The following CYB5R4 variants were observed in gnomAD, a reference collection of about 807,000 sequenced individuals.
CYB5R4 encodes the protein cytochrome b5 reductase 4.
In CYB5R4, 55 loss-of-function variants were observed where a neutral mutation model predicts 70.2. That is an observed-to-expected ratio of 0.78 (90% CI 0.63 to 0.98). The LOEUF (loss-of-function observed/expected upper bound fraction) is 0.98. Among genes scored for constraint, CYB5R4 ranks in the 50% least tolerant of loss-of-function variants. The pLI, the probability that CYB5R4 is intolerant of heterozygous loss-of-function variation, is 0.00. For synonymous variants in CYB5R4, 197 were observed against 199.5 expected (o/e 0.99, Z 0.11); for missense variants, 562 against 612.6 (o/e 0.92, Z 0.87).
At position 83,859,812 on chromosome 6, in the gene CYB5R4, G is replaced by A. The variant is rs2099455655; in HGVS notation, c.30G>A (p.Pro10=). 1.2e-6 allele frequency: 2 copies of A among 1,613,412 alleles called. No homozygotes were observed. Among genetic ancestry groups the A allele is most frequent in the Non-Finnish European group, 1.7e-6 (2 of 1,179,830 alleles). The change falls in exon 1 of 16, where the codon CCG becomes CCA. Residue 10 remains proline, a synonymous_variant. Coordinates refer to ENST00000369681, the MANE Select transcript of CYB5R4 (RefSeq NM_016230.4). MLNVPSQSF[P]APRSQQRVAS... ...TGAACGTCCCTTCCCAGTCTTTCCC[G>A]GCCCCCAGGTCGCAGCAGCGTGTCG...
chr6:83,927,014 T>G (rs557447885), intron 10 of CYB5R4, among the ~76,000 whole-genome samples: 2 of 152,290 alleles, frequency 1.3e-5, no homozygotes, highest in East Asian at 3.9e-4. Flanking sequence ...CATTTACCAG[T>G]CTTCTCTCTG....
chr6:83,940,669 C>T (rs750610792), intron 14 of CYB5R4, 68 bp downstream of exon 14: 10 of 1,495,424 alleles, frequency 6.7e-6, no homozygotes, highest in Non-Finnish European at 8.9e-6. Flanking sequence ...GCCTTATCTT[C>T]TCTGGTTGAA....
Position 83,934,691 on chromosome 6 carries a change from A to T in CYB5R4, c.911A>T (p.Gln304Leu). 1 of 1,613,728 alleles carries T rather than the reference A, an allele frequency of 6.2e-7. No homozygotes were observed. The change falls in exon 11 of 16, where the codon CAA becomes CTA. Residue 304 changes from glutamine to leucine, a missense_variant. Transcript: ENST00000369681. ...ATGCTGCCACCAAGCACTCATCTTC[A>T]AGTGCCCATTGGGCAACATGTTTAC... is the stretch of plus-strand genomic sequence containing the variant. ...CLMLPPSTHLQVPIGQHVYLK... is the reference protein window; with the variant it reads ...CLMLPPSTHLLVPIGQHVYLK...
chr6:83,914,790 C>T (rs962401272), intron 5 of CYB5R4, among the ~76,000 whole-genome samples: 39 of 151,590 alleles, frequency 2.6e-4, no homozygotes, highest in Admixed American at 6.6e-4. Flanking sequence ...CCACCTCGGC[C>T]TCCCAGAGTG....
At chr6:83,935,460 G>A (rs1184096876) in intron 11 of CYB5R4, among the ~76,000 whole-genome samples, 1 of 152,008 alleles carries the variant, frequency 6.6e-6, no homozygotes, top group Non-Finnish European at 1.5e-5. Flanking sequence ...CATCACTAAT[G>A]CCTGGTTACC....
intron 4 of CYB5R4, 27 bp downstream of exon 4, chr6:83,909,117 ATG>A (rs1440903401): frequency 6.3e-7 from 1 of 1,585,838 alleles, no homozygotes; most frequent in East Asian, 2.2e-5. Flanking sequence ...CTAAACCAGC[ATG>A]GATGTGTGGT....
intron 10 of CYB5R4, 94 bp downstream of exon 10, chr6:83,924,686 G>C: frequency 1.5e-6 from 2 of 1,312,714 alleles, no homozygotes; most frequent in South Asian, 2.7e-5. Flanking sequence ...GCTTTGAAAT[G>C]AGCTGAAGGG....
chr6:83,911,390 G>T (rs192262800), intron 4 of CYB5R4, among the ~76,000 whole-genome samples: 2 of 152,246 alleles, frequency 1.3e-5, no homozygotes, highest in African/African-American at 4.8e-5. Context: ...CTTCTGGCAA[G>T]GCTAAGCAGG....
At chr6:83,883,943 TA>T (rs1192909159) in intron 2 of CYB5R4, among the ~76,000 whole-genome samples, 2 of 151,854 alleles carry the variant, frequency 1.3e-5, no homozygotes, top group African/African-American at 4.8e-5. Flanking sequence ...AACAATCACT[TA>T]AAAAATAATT....
intron 2 of CYB5R4, among the ~76,000 whole-genome samples, chr6:83,867,485 G>T (rs2099456918): frequency 6.6e-6 from 1 of 152,192 alleles, no homozygotes; most frequent in South Asian, 2.1e-4. Flanking sequence ...ATAAGAGTAT[G>T]CCTTGGAAAG....
chr6:83,880,770 T>C (rs987247537), intron 2 of CYB5R4, among the ~76,000 whole-genome samples: 2 of 152,204 alleles, frequency 1.3e-5, no homozygotes, highest in African/African-American at 4.8e-5. Context: ...GTTAATCTTC[T>C]GAAGTGCTTA....
intron 14 of CYB5R4, among the ~76,000 whole-genome samples, chr6:83,941,427 AG>A (rs531658980): frequency 3.3e-5 from 5 of 152,206 alleles, no homozygotes; most frequent in Non-Finnish European, 7.4e-5. Flanking sequence ...TAAGAATTTT[AG>A]GGCTTTATAA....
At position 83,965,940 on chromosome 6, in the gene CYB5R4, TA is replaced by T. The variant is rs1466156024; in HGVS notation, c.*6064del. The T allele has an allele frequency of 2.8e-4, 43 of 152,472 alleles. No individual in the cohort carries two copies. Among genetic ancestry groups the T allele is most frequent in the African/African-American group, 1.0e-3 (42 of 41,574 alleles). 9.4% of individuals were successfully genotyped at this position (152,472 alleles called of 1,614,324 possible). ...GCTGCCACCCTGTAAGAAGTATTTTTAACCTACCGCCATGATTCTGAGGCCT... is the reference window on the plus strand; with the variant it reads ...GCTGCCACCCTGTAAGAAGTATTTTTACCTACCGCCATGATTCTGAGGCCT... On this transcript the variant is annotated 3_prime_UTR_variant, in exon 16 of 16. Transcript: ENST00000369681.
rs61761489 is a variant in CYB5R4, at chr6:83,871,863, T to G, written c.229+7535T>G. On this transcript the variant is annotated intron_variant, in intron 2 of 15. Transcript: ENST00000369681. ...CTTTTTCATTCCTGGTGTTGCTAAT[T>G]TTTTCTCTCTTTTTTTTCTTGATCA... Among the ~76,000 whole-genome samples, 926 of 152,230 alleles carry G rather than the reference T, an allele frequency of 6.1e-3. 9 individuals are homozygous for G. Among genetic ancestry groups the G allele is most frequent in the African/African-American group, 0.021 (880 of 41,542 alleles).
At chr6:83,860,777 G>C (rs1009985001) in intron 1 of CYB5R4, among the ~76,000 whole-genome samples, 4 of 152,162 alleles carry the variant, frequency 2.6e-5, no homozygotes, top group African/African-American at 9.7e-5. Context: ...ATAGGTTCAG[G>C]GATCTGTGGT....
At chr6:83,915,983 C>A (rs1030706072) in intron 5 of CYB5R4, among the ~76,000 whole-genome samples, 1 of 152,112 alleles carries the variant, frequency 6.6e-6, no homozygotes, top group Non-Finnish European at 1.5e-5. Flanking sequence ...TTTTTCACTA[C>A]ACATTCACCC....
chr6:83,914,005 ATCTT>A (rs1357497620), intron 4 of CYB5R4, among the ~76,000 whole-genome samples: 6 of 152,228 alleles, frequency 3.9e-5, no homozygotes, highest in Admixed American at 3.9e-4. Context: ...AAGATAAGGC[ATCTT>A]TCTTTGAGTT....
At chr6:83,863,282 C>T (rs2129127180) in intron 1 of CYB5R4, among the ~76,000 whole-genome samples, 1 of 152,242 alleles carries the variant, frequency 6.6e-6, no homozygotes, top group Non-Finnish European at 1.5e-5. Flanking sequence ...AGGCTCTTTA[C>T]CACCACATGT....
In CYB5R4 at chr6:83,859,752, C is replaced by G. The variant is rs1216175371; in HGVS notation, c.-31C>G. On this transcript the variant is annotated 5_prime_UTR_variant, in exon 1 of 16. Transcript: ENST00000369681. ...GGTGCTGTCCCGTCTGGCGGCGATC[C>G]CCGGGCAGGGCCCGGGGCCGGGGTT... The G allele has an allele frequency of 1.9e-5, 31 of 1,610,374 alleles. No homozygotes were observed. The highest frequency in any genetic ancestry group is 2.3e-5 in the Non-Finnish European group (27 of 1,178,476).
Sources: allele counts gnomAD v4.1 joint callset (sites outside exome capture counted in the v4.1 genomes callset), GRCh38; gene constraint gnomAD v4.1.1; transcripts MANE v1.5; gene names NCBI Gene and HGNC (gene_info 2026-07-23, HGNC 2026-07-21).